Variants in FXR2 observed in about 807,000 individuals in gnomAD.
FXR2 encodes the protein RNA-binding protein FXR2.
FXR2 carries 9 observed loss-of-function variants against 87.3 expected under a neutral mutation model. That is an observed-to-expected ratio of 0.10 (90% CI 0.06 to 0.18). The LOEUF is 0.18. Ranked by LOEUF, FXR2 falls within the 10% of genes least tolerant of loss-of-function variation. The pLI is 1.00. For synonymous variants in FXR2, 331 were observed against 328.3 expected (o/e 1.01, Z -0.09); for missense variants, 661 against 893.6 (o/e 0.74, Z 3.32).
chr17:7,604,567 C>T (rs1475095925), intron 3 of FXR2, among the ~76,000 whole-genome samples: 1 of 151,748 alleles, frequency 6.6e-6, no homozygotes, highest in African/African-American at 2.4e-5. Flanking sequence ...TGCCACATGC[C>T]TGTACTCCAA....
chr17:7,592,268 G>A lies in FXR2; in HGVS notation c.1912C>T (p.Leu638Phe). The A allele has an allele frequency of 3.7e-6, 6 of 1,611,024 alleles. No homozygotes were observed. The highest frequency in any genetic ancestry group is 3.4e-6 in the Non-Finnish European group (4 of 1,177,156). The change falls in exon 16 of 17, where the codon CTT becomes TTT. Residue 638 changes from leucine (L) to phenylalanine (F), a missense_variant. Leu to Phe is a conservative substitution (Grantham distance 22). Transcript: ENST00000250113. The surrounding 1 kb of genome is among the most constrained non-coding windows in gnomAD (Gnocchi z 4.8). ...TGCCTGCCTACCTTCTGTCCTGAAA[G>A]AGAGTCTTCTGAGGGTTTAGTGCGT... The part of the protein sequence containing the change: ...LERTKPSEDS[L>F]SGQKGDSVSK...
chr17:7,592,282 G>A lies in FXR2; in HGVS notation c.1898C>T (p.Pro633Leu), dbSNP rs369982415. 1.1e-4 allele frequency: 173 copies of A among 1,612,514 alleles called. No individual in the cohort carries two copies. Among genetic ancestry groups the A allele is most frequent in the South Asian group, 3.3e-4 (30 of 91,046 alleles). Residue 633 changes from proline (P) to leucine (L), a missense_variant, in exon 16 of 17, where the codon CCC becomes CTC. Around this residue, in one of 3 missense-constraint regions of FXR2, gnomAD observed 409 missense variants for 432.0 expected, o/e 0.95. Transcript: ENST00000250113. This position sits in a 1 kb window ranked among gnomAD's most constrained non-coding sequence, Gnocchi z 4.8. ...CTGTCCTGAAAGAGAGTCTTCTGAG[G>A]GTTTAGTGCGTTCCAGGGGTGGCCT... ...RQRPPLERTK[P>L]SEDSLSGQKG... is the part of the protein sequence containing the mutation.
intron 1 of FXR2, among the ~76,000 whole-genome samples, chr17:7,609,850 A>G (rs1263397863): frequency 1.3e-5 from 2 of 150,888 alleles, no homozygotes. Context: ...CAATATGGCA[A>G]AACCCCATTG....
rs563827334 is a variant in FXR2, at chr17:7,602,772, G to A, written c.543+137C>T. 1.1e-4 allele frequency: 62 copies of A among 580,370 alleles called. No homozygotes were observed. The South Asian group carries it at 1.4e-3, about 13-fold the overall frequency. The allele number at this position is 580,370 out of a possible 1,614,324, so 36.0% of individuals were successfully genotyped here. A position where few individuals can be genotyped will look rare whatever the true frequency, so the allele number is the denominator to read the frequency against. On this transcript the variant is annotated intron_variant, in intron 6 of 16. Transcript: ENST00000250113. ...AAGGTAGGGCTACCTGGGCCTGTAG[G>A]AGTCAGGAGCAATAAAGTCCTCTTG... is the stretch of plus-strand genomic sequence containing the variant.
At position 7,593,013 on chromosome 17, in the gene FXR2, G is replaced by A. The variant is rs750821196; in HGVS notation, c.1499C>T (p.Ser500Leu). 9 of 1,574,906 alleles carry A rather than the reference G, an allele frequency of 5.7e-6. No homozygotes were observed. The South Asian group carries it at 5.9e-5, about 10-fold the overall frequency. The change falls in exon 13 of 17, where the codon TCG becomes TTG. Residue 500 changes from serine to leucine, a missense_variant. This residue lies in a region of FXR2 where 409 missense variants were observed against 432.0 expected (regional missense o/e 0.95). Coordinates refer to ENST00000250113, the MANE Select transcript of FXR2 (RefSeq NM_004860.4). This position sits in a 1 kb window ranked among gnomAD's most constrained non-coding sequence, Gnocchi z 6.1. ...GCTAATAGATGAAGAATTGTATCTC[G>A]AAGTGGGCCGGGGGGCAGGTGGGGG... ...RGPPPAPRPTSRYNSSSISSV... is the reference protein window; with the variant it reads ...RGPPPAPRPTLRYNSSSISSV...
intron 7 of FXR2, chr17:7,596,382 T>C: frequency 6.4e-6 from 1 of 155,856 alleles, no homozygotes; most frequent in South Asian, 1.9e-4. Flanking sequence ...GGTCTCAAAC[T>C]CCTGACCTCA....
chr17:7,606,604 G>C (rs1032663653), intron 1 of FXR2, among the ~76,000 whole-genome samples: 1 of 152,210 alleles, frequency 6.6e-6, no homozygotes, highest in African/African-American at 2.4e-5. Context: ...AGAGATCTGA[G>C]CAGACTCGCT....
At chr17:7,609,912 G>GTA (rs59199241) in intron 1 of FXR2, among the ~76,000 whole-genome samples, 268 of 112,506 alleles carry the variant, frequency 2.4e-3, no homozygotes, top group Middle Eastern at 4.2e-3. Flanking sequence ...ACATATATAT[G>GTA]TATATATACA....
chr17:7,602,850 A>G, intron 6 of FXR2, 59 bp downstream of exon 6: 1 of 838,638 alleles, frequency 1.2e-6, no homozygotes, highest in Non-Finnish European at 2.0e-6. Context: ...AAGGGTTAAA[A>G]AGGGAAAAAG....
In FXR2 at chr17:7,595,997, GA is replaced by G. The variant is rs2071703909; in HGVS notation, c.661-4del. 1 of 1,611,108 alleles carries G rather than the reference GA, an allele frequency of 6.2e-7. No individual in the cohort carries two copies. Among genetic ancestry groups the G allele is most frequent in the Admixed American group, 1.7e-5 (1 of 59,868 alleles). On this transcript the variant is annotated splice_polypyrimidine_tract_variant and splice_region_variant and intron_variant, in intron 7 of 16. Coordinates refer to ENST00000250113, the MANE Select transcript of FXR2 (RefSeq NM_004860.4). The surrounding 1 kb of genome is among the most constrained non-coding windows in gnomAD (Gnocchi z 4.7). The stretch of plus-strand genomic sequence containing the variant: ...GCTGCTGCCAACTGCTTGCTTGTCT[GA>G]AAGGAAAAGTCACTGTAGGAATCAT...
At chr17:7,596,027 G>A in intron 7 of FXR2, 33 bp from the exon 8 acceptor site, 2 of 1,566,544 alleles carry the variant, frequency 1.3e-6, no homozygotes, top group Non-Finnish European at 1.8e-6. Flanking sequence ...GAATCATGGT[G>A]GTAGAATCTC....
At chr17:7,603,600 A>G (rs1402636197) in intron 5 of FXR2, among the ~76,000 whole-genome samples, 157 bp downstream of exon 5, 2 of 152,158 alleles carry the variant, frequency 1.3e-5, no homozygotes, top group African/African-American at 4.8e-5. Flanking sequence ...GGATGGGAAA[A>G]TAAAGAAACT....
chr17:7,596,055 AC>A (rs1362107636), intron 7 of FXR2, 61 bp from the exon 8 acceptor site: 2 of 1,305,004 alleles, frequency 1.5e-6, no homozygotes, highest in Non-Finnish European at 2.2e-6. Flanking sequence ...CAGGCACACG[AC>A]CCTTTGCATA....
chr17:7,597,739 G>A (rs896820983), intron 7 of FXR2, among the ~76,000 whole-genome samples: 34 of 151,986 alleles, frequency 2.2e-4, no homozygotes, highest in African/African-American at 7.7e-4. Context: ...TTCACTACTA[G>A]GCATGACTGA....
rs754151414 is a variant in FXR2 at position 7,595,869 on chromosome 17, G to A, written c.786C>T (p.Ala262=). Residue 262 remains alanine (A), a synonymous_variant, in exon 8 of 17, where the codon GCC becomes GCT. Transcript: ENST00000250113. The surrounding 1 kb of genome is among the most constrained non-coding windows in gnomAD (Gnocchi z 4.7). ...QQARKVPGVT[A]IELGEETCTF... ...TGCAGGTCTCTTCACCCAACTCAAT[G>A]GCGGTCACCCCAGGTACTTTTCGGG... is the stretch of plus-strand genomic sequence containing the variant. 10 of 1,613,716 alleles carry A rather than the reference G, an allele frequency of 6.2e-6. No individual in the cohort carries two copies. In the South Asian group the frequency reaches 8.8e-5, roughly 14 times the overall value.
intron 1 of FXR2, 41 bp from the exon 2 acceptor site, chr17:7,606,190 C>T (rs112922540): frequency 1.1e-5 from 14 of 1,270,894 alleles, no homozygotes; most frequent in African/African-American, 3.0e-5. Flanking sequence ...AATAAAATGA[C>T]CTTTTACTTC....
At chr17:7,611,552 C>A (rs1382283210) in intron 1 of FXR2, among the ~76,000 whole-genome samples, 1 of 152,122 alleles carries the variant, frequency 6.6e-6, no homozygotes, top group Non-Finnish European at 1.5e-5. Flanking sequence ...CCTGTAATCC[C>A]AGCTACTCGG....
Position 7,592,443 on chromosome 17 carries a change from G to C in FXR2, c.1825+61C>G. 6.4e-7 allele frequency: 1 copy of C among 1,563,920 alleles called. No homozygotes were observed. Among genetic ancestry groups the C allele is most frequent in the Non-Finnish European group, 8.8e-7 (1 of 1,134,368 alleles). On this transcript the variant is annotated intron_variant, in intron 15 of 16. Transcript: ENST00000250113. This position sits in a 1 kb window ranked among gnomAD's most constrained non-coding sequence, Gnocchi z 4.8. ...TGAACCCGAACCCCTGATTTTCACA[G>C]GGGTGAGCATCCCATTCTCTCAGCT... is the stretch of plus-strand genomic sequence containing the variant.
intron 3 of FXR2, 34 bp downstream of exon 3, chr17:7,605,611 T>G: frequency 1.2e-5 from 13 of 1,072,378 alleles, no homozygotes; most frequent in Non-Finnish European, 1.9e-5. Flanking sequence ...TGGGGAAAAG[T>G]GACATTTAGA....
Sources: allele counts gnomAD v4.1 joint callset (sites outside exome capture counted in the v4.1 genomes callset), GRCh38; gene constraint gnomAD v4.1.1; regional missense constraint gnomAD v4.1.1; non-coding constraint Gnocchi (gnomAD v3.1); transcripts MANE v1.5; gene names NCBI Gene and HGNC (gene_info 2026-07-23, HGNC 2026-07-21).